Variants in ANKS1B observed in about 807,000 individuals in gnomAD.
The protein encoded by ANKS1B is ankyrin repeat and sterile alpha motif domain containing 1B, also known as ankyrin repeat and sterile alpha motif domain-containing protein 1B.
In ANKS1B, 36 loss-of-function variants were observed where a neutral mutation model predicts 148.3. That is an observed-to-expected ratio of 0.24 (90% CI 0.19 to 0.32). ANKS1B has a LOEUF of 0.32. Among genes scored for constraint, ANKS1B ranks in the 10% least tolerant of loss-of-function variants. The pLI, the probability that ANKS1B is intolerant of heterozygous loss-of-function variation, is 1.00. For missense variants in ANKS1B, 1,157 were observed against 1,542.6 expected (o/e 0.75, Z 4.19); for synonymous variants, 542 against 560.8 (o/e 0.97, Z 0.47).
chr12:99,526,746 T>C (rs1464068225), intron 9 of ANKS1B, among the ~76,000 whole-genome samples: 1 of 152,214 alleles, frequency 6.6e-6, no homozygotes, highest in African/African-American at 2.4e-5. Context: ...GTGTGGGTAC[T>C]ACCTAAGAAT....
At chr12:99,614,047 G>T (rs1442557295) in intron 9 of ANKS1B, among the ~76,000 whole-genome samples, 2 of 151,378 alleles carry the variant, frequency 1.3e-5, no homozygotes, top group Non-Finnish European at 2.9e-5. Context: ...ATATTAACCA[G>T]TCACTGGAAC....
At chr12:99,604,829 A>G (rs1453227285) in intron 9 of ANKS1B, among the ~76,000 whole-genome samples, 2 of 151,100 alleles carry the variant, frequency 1.3e-5, no homozygotes, top group East Asian at 1.9e-4. Context: ...AAAAAAAAAA[A>G]AAAGAAAAGA....
At chr12:99,055,797 A>G (rs891954640) in intron 16 of ANKS1B, among the ~76,000 whole-genome samples, 1 of 152,108 alleles carries the variant, frequency 6.6e-6, no homozygotes, top group African/African-American at 2.4e-5. Context: ...AACATTTTAC[A>G]TGGTTGGAAA....
chr12:99,066,605 C>T (rs1045241323), intron 16 of ANKS1B, among the ~76,000 whole-genome samples: 1 of 152,120 alleles, frequency 6.6e-6, no homozygotes, highest in Admixed American at 6.5e-5. Context: ...GTGACATGAT[C>T]TGGCTTACAT....
intron 15 of ANKS1B, among the ~76,000 whole-genome samples, chr12:99,133,106 C>T (rs2066699809): frequency 1.4e-5 from 2 of 143,550 alleles, no homozygotes; most frequent in Non-Finnish European, 3.0e-5. Context: ...GGCTGGAGTA[C>T]AGTGGTGCGA....
chr12:99,262,182 A>G (rs546968909), intron 12 of ANKS1B, among the ~76,000 whole-genome samples: 1 of 152,228 alleles, frequency 6.6e-6, no homozygotes, highest in South Asian at 2.1e-4. Flanking sequence ...TTAAATGGCA[A>G]CCACTAATTC....
At chr12:99,577,672 G>C (rs2097531750) in intron 9 of ANKS1B, among the ~76,000 whole-genome samples, 1 of 152,000 alleles carries the variant, frequency 6.6e-6, no homozygotes, top group African/African-American at 2.4e-5. Context: ...GAACCAGGAG[G>C]AAACTGAAAC....
At chr12:99,675,440 T>C (rs763889730) in intron 8 of ANKS1B, among the ~76,000 whole-genome samples, 4 of 151,992 alleles carry the variant, frequency 2.6e-5, no homozygotes, top group African/African-American at 7.2e-5. Context: ...TATTTTAATA[T>C]GTTGCACTGT....
intron 9 of ANKS1B, among the ~76,000 whole-genome samples, chr12:99,621,461 G>GAAA (rs199847091): frequency 1.8e-5 from 2 of 112,778 alleles, no homozygotes; most frequent in Non-Finnish European, 1.9e-5. Flanking sequence ...AGGCAAATTG[G>GAAA]AAAAAAAAAA....
chr12:99,871,989 G>T (rs1411528347), intron 1 of ANKS1B, among the ~76,000 whole-genome samples: 1 of 152,022 alleles, frequency 6.6e-6, no homozygotes, highest in Non-Finnish European at 1.5e-5. Context: ...TGAAAAGATT[G>T]ATAACTTGCA....
intron 12 of ANKS1B, among the ~76,000 whole-genome samples, chr12:99,286,509 G>C (rs1471920146): frequency 2.6e-5 from 4 of 152,094 alleles, no homozygotes; most frequent in African/African-American, 9.7e-5. Flanking sequence ...AGAGAATCCT[G>C]TTTGAGGAAA....
intron 1 of ANKS1B, among the ~76,000 whole-genome samples, chr12:99,849,942 T>G (rs1210016855): frequency 6.6e-6 from 1 of 152,126 alleles, no homozygotes; most frequent in Non-Finnish European, 1.5e-5. Flanking sequence ...AACTTATGAT[T>G]TACATACCTC....
chr12:98,886,875 C>T (rs747263708), intron 17 of ANKS1B, among the ~76,000 whole-genome samples: 2 of 152,224 alleles, frequency 1.3e-5, no homozygotes, highest in African/African-American at 2.4e-5. Flanking sequence ...AATAGGAAGA[C>T]GTTCTCCAAA....
chr12:98,999,913 A>G (rs2099931901), intron 17 of ANKS1B, among the ~76,000 whole-genome samples: 1 of 152,158 alleles, frequency 6.6e-6, no homozygotes, highest in African/African-American at 2.4e-5. Flanking sequence ...CTAGGTGGAT[A>G]TTCTCTGGGG....
intron 1 of ANKS1B, among the ~76,000 whole-genome samples, chr12:99,948,389 A>G (rs1222719364): frequency 1.3e-5 from 2 of 151,094 alleles, no homozygotes; most frequent in African/African-American, 2.4e-5. Flanking sequence ...AAAAAAAAAA[A>G]GAAAAAAAAA....
intron 14 of ANKS1B, among the ~76,000 whole-genome samples, chr12:99,166,132 G>A (rs2077165668): frequency 6.6e-6 from 1 of 151,260 alleles, no homozygotes; most frequent in African/African-American, 2.4e-5. Flanking sequence ...CTGATAAAAA[G>A]GCATTTATAC....
intron 15 of ANKS1B, among the ~76,000 whole-genome samples, chr12:99,130,966 G>C (rs1181760840): frequency 6.6e-6 from 1 of 152,130 alleles, no homozygotes; most frequent in African/African-American, 2.4e-5. Flanking sequence ...CATCATCCCT[G>C]ATTCCCACAG....
intron 8 of ANKS1B, among the ~76,000 whole-genome samples, chr12:99,673,380 A>C (rs1348343974): frequency 2.0e-5 from 3 of 152,072 alleles, no homozygotes; most frequent in Admixed American, 1.3e-4. Context: ...CTGTTAAGTA[A>C]ATCAGATACT....
rs2069712023 is a variant in ANKS1B at position 99,139,446 on chromosome 12, T to TTCTTTCTTTCTC, written c.2526+14842_2526+14843insGAGAAAGAAAGA. Among the ~76,000 whole-genome samples, 14 of 68,986 alleles carry TTCTTTCTTTCTC rather than the reference T, an allele frequency of 2.0e-4. 3 individuals are homozygous for TTCTTTCTTTCTC. The highest frequency in any genetic ancestry group is 1.1e-3 in the African/African-American group (14 of 12,220). The allele number at this position is 68,986 out of a possible 152,430, so 45.3% of individuals were successfully genotyped here. A position where few individuals can be genotyped will look rare whatever the true frequency, so the allele number is the denominator to read the frequency against. On this transcript the variant is annotated intron_variant, in intron 15 of 26. Transcript: ENST00000683438. Reference sequence around the variant, plus strand: ...TCTTTCTTTCTTTCTTTCTTTTTCTTTCTTTCTTTCTTTCAAGATAGGAGT... The same window carrying TTCTTTCTTTCTC: ...TCTTTCTTTCTTTCTTTCTTTTTCTTTCTTTCTTTCTCTCTTTCTTTCTTTCAAGATAGGAGT...
Sources: gnomAD v4.1 joint callset for allele counts (sites outside exome capture counted in the v4.1 genomes callset) on GRCh38, gnomAD v4.1.1 for gene constraint, MANE v1.5 for transcripts, NCBI Gene and HGNC (gene_info 2026-07-23, HGNC 2026-07-21) for gene names.